NIFK: variants seen among roughly 807,000 people sequenced by gnomAD.
NIFK encodes the protein MKI67 FHA domain-interacting nucleolar phosphoprotein.
NIFK carries 16 observed loss-of-function variants against 31.7 expected under a neutral mutation model. The ratio of observed to expected loss-of-function variants is 0.50; its 90% confidence interval spans 0.34 to 0.77. The LOEUF is 0.77. Ranked by LOEUF, NIFK falls within the 30% of genes least tolerant of loss-of-function variation. The probability of loss-of-function intolerance (pLI) is 0.01; values close to 1 mark genes in which losing one functional copy is unlikely to be tolerated. For synonymous variants in NIFK, 126 were observed against 123.0 expected (o/e 1.02, Z -0.16); for missense variants, 341 against 350.4 (o/e 0.97, Z 0.21).
chr2:121,731,244 C>A, intron 3 of NIFK, 140 bp from the exon 4 acceptor site: 2 of 599,398 alleles, frequency 3.3e-6, no homozygotes, highest in Non-Finnish European at 5.9e-6. Flanking sequence ...CACAGCAATG[C>A]GAAGTGAATA....
rs1281553557 is a variant in NIFK at position 121,735,626 on chromosome 2, G to C, written c.230C>G (p.Ser77Cys). 1.2e-6 allele frequency: 2 copies of C among 1,611,944 alleles called. No individual in the cohort carries two copies. Among genetic ancestry groups the C allele is most frequent in the Admixed American group, 3.3e-5 (2 of 59,996 alleles). Residue 77 changes from serine (S) to cysteine (C), a missense_variant, in exon 2 of 7, where the codon TCC (serine) becomes TGC (cysteine). By Grantham distance (112) the Ser-to-Cys change is moderately radical. Coordinates refer to ENST00000285814, the MANE Select transcript of NIFK (RefSeq NM_032390.5). Reference protein sequence around the residue: ...QFGTVTRFRLSRSKRTGNSKG... With the variant: ...QFGTVTRFRLCRSKRTGNSKG... Reference sequence around the variant, plus strand: ...CAAAAATCTTACCCTTTTACTTCTGGACAGCCTGAACCGTGTCACAGTGCC... The same window carrying C: ...CAAAAATCTTACCCTTTTACTTCTGCACAGCCTGAACCGTGTCACAGTGCC...
chr2:121,731,379 AG>A (rs2074538398), intron 3 of NIFK, among the ~76,000 whole-genome samples: 1 of 152,156 alleles, frequency 6.6e-6, no homozygotes, highest in Admixed American at 6.5e-5. Flanking sequence ...GGATCTGGAC[AG>A]GGATGCTCTC....
At chr2:121,728,449 G>T (rs778218221) in intron 5 of NIFK, 28 bp downstream of exon 5, 3 of 1,524,842 alleles carry the variant, frequency 2.0e-6, no homozygotes, top group East Asian at 2.3e-5. Context: ...CTAATATCTT[G>T]CATGTAAAAT....
At position 121,727,744 on chromosome 2, in the gene NIFK, G is replaced by A. The variant is rs147757149; in HGVS notation, c.862C>T (p.Arg288Ter). ...GAAAATCACTGATTGCTGCTTCTTC[G>A]TCTTTTTTTCCGTGAATGTGTAGGT... ...QTPTHSRKKR[R>*]RSSNQ The change falls in exon 7 of 7, where the codon CGA (arginine) becomes TGA (stop). Residue 288 changes from arginine to a stop codon, truncating the protein, a stop_gained. Coordinates refer to ENST00000285814, the MANE Select transcript of NIFK (RefSeq NM_032390.5). LOFTEE classifies it high-confidence loss of function. 2.2e-4 allele frequency: 352 copies of A among 1,599,258 alleles called. No individual in the cohort carries two copies. Among genetic ancestry groups the A allele is most frequent in the Non-Finnish European group, 2.8e-4 (332 of 1,176,458 alleles).
chr2:121,729,584 C>T (rs547886228), intron 4 of NIFK, among the ~76,000 whole-genome samples: 5 of 152,088 alleles, frequency 3.3e-5, no homozygotes, highest in South Asian at 4.1e-4. Flanking sequence ...TCTTTTTTAG[C>T]GATACGGTCT....
chr2:121,736,423 C>T (rs1453677815), intron 1 of NIFK, among the ~76,000 whole-genome samples: 2 of 152,220 alleles, frequency 1.3e-5, no homozygotes, highest in Non-Finnish European at 2.9e-5. Context: ...GTATAGGAGC[C>T]TATTCCCTCC....
chr2:121,729,782 T>G (rs2074524057), intron 4 of NIFK, among the ~76,000 whole-genome samples: 1 of 152,232 alleles, frequency 6.6e-6, no homozygotes, highest in Non-Finnish European at 1.5e-5. Flanking sequence ...GTGGGTTTAC[T>G]TCAGTAACTT....
intron 2 of NIFK, among the ~76,000 whole-genome samples, 155 bp from the exon 3 acceptor site, chr2:121,732,359 G>A (rs1480936851): frequency 2.6e-5 from 4 of 152,054 alleles, no homozygotes; most frequent in Non-Finnish European, 5.9e-5. Context: ...CATATTCCGG[G>A]GACTGTTATG....
intron 2 of NIFK, among the ~76,000 whole-genome samples, chr2:121,734,608 T>G (rs1255939543): frequency 2.0e-5 from 3 of 151,980 alleles, no homozygotes; most frequent in Non-Finnish European, 4.4e-5. Context: ...CTGGCCAACA[T>G]AGTGAAACCC....
intron 4 of NIFK, among the ~76,000 whole-genome samples, chr2:121,729,008 C>T (rs1348627323): frequency 6.6e-6 from 1 of 152,012 alleles, no homozygotes; most frequent in Non-Finnish European, 1.5e-5. Flanking sequence ...AAAAATTAAC[C>T]ACCGAGAATT....
At chr2:121,729,429 G>C (rs182320831) in intron 4 of NIFK, among the ~76,000 whole-genome samples, 25 of 149,948 alleles carry the variant, frequency 1.7e-4, no homozygotes, top group Admixed American at 1.6e-3. Context: ...ACCATAATAA[G>C]CTTCATTCTT....
At chr2:121,735,487 C>A in intron 2 of NIFK, 126 bp downstream of exon 2, 1 of 1,018,300 alleles carries the variant, frequency 9.8e-7, no homozygotes, top group African/African-American at 1.6e-5. Flanking sequence ...GATTCTAAAC[C>A]TCCTCCACTC....
chr2:121,736,028 T>A (rs1171987300), intron 1 of NIFK, among the ~76,000 whole-genome samples: 1 of 152,242 alleles, frequency 6.6e-6, no homozygotes. Flanking sequence ...CAAGCCATTT[T>A]AGATCTTCTG....
At position 121,731,112 on chromosome 2, in the gene NIFK, CA is replaced by C; in HGVS notation, c.353-9del. 5 of 1,489,516 alleles carry C rather than the reference CA, an allele frequency of 3.4e-6. No homozygotes were observed. Among genetic ancestry groups the C allele is most frequent in the Non-Finnish European group, 4.6e-6 (5 of 1,091,824 alleles). 92.3% of individuals were successfully genotyped at this position (1,489,516 alleles called of 1,614,324 possible). A position where few individuals can be genotyped will look rare whatever the true frequency, so the allele number is the denominator to read the frequency against. ...CAGGTGGCATAAAATGACCTATTTT[CA>C]AAAAGAAAAAAACATAAAGGTATTT... is the stretch of plus-strand genomic sequence containing the variant. On this transcript the variant is annotated splice_polypyrimidine_tract_variant and intron_variant, in intron 3 of 6. Coordinates refer to ENST00000285814, the MANE Select transcript of NIFK (RefSeq NM_032390.5).
chr2:121,730,150 G>A (rs573824280), intron 4 of NIFK, among the ~76,000 whole-genome samples: 7 of 152,156 alleles, frequency 4.6e-5, no homozygotes, highest in Non-Finnish European at 7.3e-5. Context: ...GGAGGTGGAG[G>A]TTGCAATGAA....
Position 121,731,378 on chromosome 2 carries a change from C to G in NIFK, c.353-274G>C, listed in dbSNP as rs144923930. Among the ~76,000 whole-genome samples, 714 of 152,304 alleles carry G rather than the reference C, an allele frequency of 4.7e-3. 4 individuals are homozygous for G. Among genetic ancestry groups the G allele is most frequent in the South Asian group, 0.01 (50 of 4,826 alleles). ...CCTCCCAAGGGCAGCAGGATCTGGACAGGGATGCTCTCTGCACCCTATGGA... is the reference window on the plus strand; with the variant it reads ...CCTCCCAAGGGCAGCAGGATCTGGAGAGGGATGCTCTCTGCACCCTATGGA... On this transcript the variant is annotated intron_variant, in intron 3 of 6. Transcript: ENST00000285814.
In NIFK at chr2:121,730,910, A is replaced by G. The variant is rs2106442281; in HGVS notation, c.547T>C (p.Tyr183His). Residue 183 changes from tyrosine (Y) to histidine (H), a missense_variant, in exon 4 of 7, where the codon TAT (tyrosine) becomes CAT (histidine). Physicochemically the swap from Tyr to His is moderately conservative, Grantham distance 83. Transcript: ENST00000285814. ...ATATTTACCAAAGAAGGAAAATCAT[A>G]GTCAATTCCTTTTTTAGCTAATTTC... ...RKKLAKKGID[Y>H]DFPSLILQKT... is the part of the protein sequence containing the mutation. The G allele has an allele frequency of 6.2e-7, 1 of 1,606,404 alleles. No homozygotes were observed. Among genetic ancestry groups the G allele is most frequent in the Middle Eastern group, 1.7e-4 (1 of 5,868 alleles).
At chr2:121,728,665 C>G in intron 4 of NIFK, 129 bp from the exon 5 acceptor site, 3 of 591,040 alleles carry the variant, frequency 5.1e-6, no homozygotes, top group Non-Finnish European at 8.7e-6. Context: ...AATCAAAACT[C>G]ATAAATACAG....
intron 1 of NIFK, 92 bp from the exon 2 acceptor site, chr2:121,735,842 G>C: frequency 9.8e-7 from 1 of 1,021,002 alleles, no homozygotes. Context: ...AACCTATTCT[G>C]CATTTCCACT....
Sources: gnomAD v4.1 joint callset for allele counts (sites outside exome capture counted in the v4.1 genomes callset) on GRCh38, gnomAD v4.1.1 for gene constraint, MANE v1.5 for transcripts, NCBI Gene and HGNC (gene_info 2026-07-23, HGNC 2026-07-21) for gene names.